CCSER1: variants seen among roughly 807,000 people sequenced by gnomAD.
CCSER1 encodes the protein coiled-coil serine rich protein 1.
In CCSER1, 41 loss-of-function variants were observed where a neutral mutation model predicts 82.0. That is an observed-to-expected ratio of 0.50 (90% CI 0.39 to 0.65). The LOEUF (loss-of-function observed/expected upper bound fraction) is 0.65, where lower values mean the gene tolerates loss of function less well. CCSER1 is among the 30% of genes least tolerant of loss of function. The probability of loss-of-function intolerance (pLI) is 0.00; values close to 1 mark genes in which losing one functional copy is unlikely to be tolerated. For synonymous variants in CCSER1, 414 were observed against 383.9 expected, an observed-to-expected ratio of 1.08 and a Z score of -0.92; for missense variants, 1,119 against 1,064.2, an observed-to-expected ratio of 1.05 and a Z score of -0.72.
chr4:90,554,790 C>T (rs181425980), intron 5 of CCSER1, among the ~76,000 whole-genome samples: 99 of 152,274 alleles, frequency 6.5e-4, no homozygotes, highest in African/African-American at 1.9e-3. Flanking sequence ...CATCATACCT[C>T]GTTTTTAAGG....
At chr4:91,409,514 T>A (rs1752901368) in intron 10 of CCSER1, among the ~76,000 whole-genome samples, 1 of 152,150 alleles carries the variant, frequency 6.6e-6, no homozygotes, top group Non-Finnish European at 1.5e-5. Context: ...TGTGTTCTAT[T>A]TTAAAAAATT....
chr4:90,789,310 C>T (rs750107404), intron 7 of CCSER1, among the ~76,000 whole-genome samples: 13 of 152,098 alleles, frequency 8.5e-5, no homozygotes, highest in Non-Finnish European at 1.8e-4. Flanking sequence ...AATTTGTTTG[C>T]TCCCAAAGCT....
chr4:90,797,013 A>C (rs770281075), intron 7 of CCSER1, among the ~76,000 whole-genome samples: 1 of 152,086 alleles, frequency 6.6e-6, no homozygotes. Context: ...CATTTGATCC[A>C]GTGCTGAGTT....
At chr4:90,366,065 T>A (rs988467282) in intron 3 of CCSER1, among the ~76,000 whole-genome samples, 2 of 151,898 alleles carry the variant, frequency 1.3e-5, no homozygotes, top group Non-Finnish European at 2.9e-5. Flanking sequence ...AATCAAAGTA[T>A]GATTGAAACC....
chr4:90,913,519 A>G (rs1581052007), intron 8 of CCSER1, among the ~76,000 whole-genome samples: 1 of 152,212 alleles, frequency 6.6e-6, no homozygotes, highest in Non-Finnish European at 1.5e-5. Context: ...AACAGCCAAT[A>G]CCAGCCACTG....
intron 10 of CCSER1, among the ~76,000 whole-genome samples, chr4:91,570,393 C>T (rs1351612074): frequency 1.3e-5 from 2 of 152,228 alleles, no homozygotes; most frequent in African/African-American, 2.4e-5. Context: ...CACTTCTGCA[C>T]TGCCCTAGCA....
intron 8 of CCSER1, among the ~76,000 whole-genome samples, chr4:90,892,714 C>T (rs1007609445): frequency 1.3e-5 from 2 of 151,966 alleles, no homozygotes; most frequent in African/African-American, 4.8e-5. Flanking sequence ...GATTTCTTAA[C>T]TTAAAAAATA....
At chr4:91,161,640 T>G (rs2148978003) in intron 10 of CCSER1, among the ~76,000 whole-genome samples, 1 of 152,334 alleles carries the variant, frequency 6.6e-6, no homozygotes, top group South Asian at 2.1e-4. Flanking sequence ...GTTGGATTCC[T>G]AGGTATTTTA....
chr4:91,183,550 T>G (rs777289157), intron 10 of CCSER1, among the ~76,000 whole-genome samples: 14 of 152,178 alleles, frequency 9.2e-5, no homozygotes, highest in Non-Finnish European at 1.6e-4. Flanking sequence ...GGGACAATAA[T>G]TTTTCCAGGA....
chr4:91,207,721 T>C (rs1169660718), intron 10 of CCSER1, among the ~76,000 whole-genome samples: 1 of 151,890 alleles, frequency 6.6e-6, no homozygotes, highest in Non-Finnish European at 1.5e-5. Context: ...GGGAGAACAA[T>C]TTCTATTCCT....
intron 9 of CCSER1, among the ~76,000 whole-genome samples, chr4:90,973,966 G>C (rs1735362501): frequency 6.6e-6 from 1 of 151,464 alleles, no homozygotes; most frequent in Non-Finnish European, 1.5e-5. Flanking sequence ...GACACAGAAA[G>C]ATAAATACTG....
chr4:90,497,976 C>T lies in CCSER1; in HGVS notation c.1724+29622C>T, dbSNP rs557659168. Among the ~76,000 whole-genome samples, 10 of 148,178 alleles carry T rather than the reference C, an allele frequency of 6.7e-5. No homozygotes were observed. The East Asian group carries it at 9.9e-4, about 15-fold the overall frequency. On this transcript the variant is annotated intron_variant, in intron 5 of 10. Coordinates refer to ENST00000509176, the MANE Select transcript of CCSER1 (RefSeq NM_001145065.2). ...TTTTTTTTTTTTTGAGATGGAGTTT[C>T]GCTCTTTTTGCCCAGGCTGGAGTGC...
chr4:90,858,920 A>G (rs1026385293), intron 8 of CCSER1, among the ~76,000 whole-genome samples: 1 of 151,978 alleles, frequency 6.6e-6, no homozygotes, highest in Non-Finnish European at 1.5e-5. Context: ...TTGGGAGTAA[A>G]AGACAAATAC....
intron 1 of CCSER1, among the ~76,000 whole-genome samples, chr4:90,194,720 T>C (rs950372904): frequency 6.6e-6 from 1 of 152,058 alleles, no homozygotes; most frequent in African/African-American, 2.4e-5. Context: ...AGTTGATAGA[T>C]TGTTTAAAGA....
At chr4:90,482,729 C>G (rs1281789953) in intron 5 of CCSER1, among the ~76,000 whole-genome samples, 1 of 152,158 alleles carries the variant, frequency 6.6e-6, no homozygotes, top group Non-Finnish European at 1.5e-5. Flanking sequence ...GCACTGTGAT[C>G]TGAGAGACAG....
chr4:90,807,924 G>A (rs1239541037), intron 7 of CCSER1, among the ~76,000 whole-genome samples: 1 of 152,060 alleles, frequency 6.6e-6, no homozygotes, highest in Admixed American at 6.6e-5. Flanking sequence ...AACCAAAAAA[G>A]AGTGCTAATA....
intron 10 of CCSER1, among the ~76,000 whole-genome samples, chr4:91,408,612 A>G (rs1039829490): frequency 1.3e-5 from 2 of 152,224 alleles, no homozygotes; most frequent in Non-Finnish European, 2.9e-5. Flanking sequence ...ATAGGTGTTC[A>G]TAGTCATCTA....
At chr4:91,307,116 T>G (rs1745123449) in intron 10 of CCSER1, among the ~76,000 whole-genome samples, 1 of 151,954 alleles carries the variant, frequency 6.6e-6, no homozygotes, top group Non-Finnish European at 1.5e-5. Flanking sequence ...ATGAACATGA[T>G]TTTAGGTACC....
intron 10 of CCSER1, among the ~76,000 whole-genome samples, chr4:91,350,524 C>T (rs116759023): frequency 0.014 from 2,090 of 152,140 alleles, 28 homozygotes; most frequent in Non-Finnish European, 0.021. Flanking sequence ...CAATAGGGAA[C>T]AACTATCACC....
Sources: gnomAD v4.1 joint callset for allele counts (sites outside exome capture counted in the v4.1 genomes callset) on GRCh38, gnomAD v4.1.1 for gene constraint, MANE v1.5 for transcripts, NCBI Gene and HGNC (gene_info 2026-07-23, HGNC 2026-07-21) for gene names.